SAMD12: variants seen among roughly 807,000 people sequenced by gnomAD.
SAMD12 encodes sterile alpha motif domain-containing protein 12.
SAMD12 carries 9 observed loss-of-function variants against 15.0 expected under a neutral mutation model. That is an observed-to-expected ratio of 0.60 (90% CI 0.36 to 1.05). The LOEUF is 1.05. Among genes scored for constraint, SAMD12 ranks in the 50% least tolerant of loss-of-function variants. The pLI, the probability that SAMD12 is intolerant of heterozygous loss-of-function variation, is 0.01. For synonymous variants in SAMD12, 86 were observed against 90.1 expected (o/e 0.96, Z 0.25); for missense variants, 230 against 234.2 (o/e 0.98, Z 0.12).
At chr8:118,161,559 T>C in the SAMD12 span, among the ~76,000 whole-genome samples, 2 of 66,424 alleles carry the variant, frequency 3.0e-5, no homozygotes, top group African/African-American at 8.2e-5. Context: ...AGTAAGACTG[T>C]CTAAAAAAAA....
chr8:118,219,444 A>G (rs1220881872), intron 4 of SAMD12, among the ~76,000 whole-genome samples: 1 of 152,254 alleles, frequency 6.6e-6, no homozygotes, highest in African/African-American at 2.4e-5. Flanking sequence ...AATTGAACAT[A>G]TGAGGTAATT....
intron 2 of SAMD12, among the ~76,000 whole-genome samples, chr8:118,495,554 C>CTT (rs10671753): frequency 0.27 from 38,715 of 144,964 alleles, 5,220 homozygotes; most frequent in East Asian, 0.35. Context: ...TTCATGTAGG[C>CTT]TTTTTTTTTT....
intron 1 of SAMD12, among the ~76,000 whole-genome samples, chr8:118,616,345 C>T (rs868311620): frequency 2.9e-4 from 42 of 146,508 alleles, no homozygotes; most frequent in African/African-American, 1.1e-3. Flanking sequence ...TTCATTCATT[C>T]AAGCTTCAAG....
intron 1 of SAMD12, among the ~76,000 whole-genome samples, chr8:118,595,087 C>G (rs1827691385): frequency 1.3e-5 from 2 of 152,148 alleles, no homozygotes; most frequent in Non-Finnish European, 2.9e-5. Context: ...TTCAAATCAA[C>G]ACATATCCCA....
chr8:118,432,780 A>G (rs566764526), intron 3 of SAMD12, among the ~76,000 whole-genome samples: 3 of 152,208 alleles, frequency 2.0e-5, no homozygotes, highest in African/African-American at 7.2e-5. Flanking sequence ...CAACCCTTGA[A>G]AGTAGTTCAG....
At chr8:118,161,511 G>A in the SAMD12 span, among the ~76,000 whole-genome samples, 3 of 149,098 alleles carry the variant, frequency 2.0e-5, no homozygotes, top group East Asian at 2.0e-4. Context: ...GCAGTGAGCC[G>A]CTGTGATCAT....
intron 2 of SAMD12, among the ~76,000 whole-genome samples, chr8:118,480,988 G>A (rs1271414613): frequency 1.3e-5 from 2 of 152,178 alleles, no homozygotes; most frequent in Non-Finnish European, 2.9e-5. Flanking sequence ...TGTTGCCCAG[G>A]CTGGAGTGCA....
chr8:118,608,554 A>G (rs541563965), intron 1 of SAMD12, among the ~76,000 whole-genome samples: 3 of 152,222 alleles, frequency 2.0e-5, no homozygotes, highest in Admixed American at 1.3e-4. Context: ...CCCAGGCCAG[A>G]GTGCAATGGC....
chr8:118,292,963 A>G (rs59437911), intron 4 of SAMD12, among the ~76,000 whole-genome samples: 4,597 of 151,690 alleles, frequency 0.03, 251 homozygotes, highest in African/African-American at 0.1. Flanking sequence ...ATGACGAGTT[A>G]GTGGGTGCAG....
intron 4 of SAMD12, among the ~76,000 whole-genome samples, chr8:118,237,767 A>C (rs1284750289): frequency 6.6e-6 from 1 of 152,192 alleles, no homozygotes; most frequent in African/African-American, 2.4e-5. Flanking sequence ...ATAAGAATCA[A>C]ATGTAAACAT....
chr8:118,341,853 T>C (rs116702855), intron 4 of SAMD12, among the ~76,000 whole-genome samples: 3,807 of 152,338 alleles, frequency 0.025, 156 homozygotes, highest in African/African-American at 0.086. Context: ...ATATTTTAAA[T>C]TGTTGAAATC....
intron 2 of SAMD12, among the ~76,000 whole-genome samples, chr8:118,556,808 C>CA (rs1826545701): frequency 6.6e-6 from 1 of 151,726 alleles, no homozygotes. Flanking sequence ...ACTAAAGATA[C>CA]AAAAAATTGG....
intron 1 of SAMD12, 149 bp downstream of exon 1, chr8:118,621,655 G>A: frequency 1.2e-6 from 1 of 838,362 alleles, no homozygotes; most frequent in East Asian, 2.5e-5. Context: ...TGGCGGCGCA[G>A]GTGAGTGCCA....
intron 3 of SAMD12, among the ~76,000 whole-genome samples, chr8:118,392,461 A>C (rs939865555): frequency 1.3e-5 from 2 of 152,252 alleles, no homozygotes; most frequent in Middle Eastern, 3.4e-3. Flanking sequence ...AAAACAAAAA[A>C]CAAAAACCTG....
At chr8:118,484,002 A>G (rs774083527) in intron 2 of SAMD12, among the ~76,000 whole-genome samples, 1 of 152,222 alleles carries the variant, frequency 6.6e-6, no homozygotes, top group Non-Finnish European at 1.5e-5. Flanking sequence ...GTCTAGCTAT[A>G]TGAAGTTCAT....
At chr8:118,346,668 A>G (rs1430584920) in intron 4 of SAMD12, among the ~76,000 whole-genome samples, 1 of 152,244 alleles carries the variant, frequency 6.6e-6, no homozygotes, top group African/African-American at 2.4e-5. Flanking sequence ...GAGAACTCAC[A>G]GGACTCAGCA....
intron 2 of SAMD12, among the ~76,000 whole-genome samples, chr8:118,548,728 G>A (rs1476596154): frequency 6.6e-6 from 1 of 152,240 alleles, no homozygotes; most frequent in African/African-American, 2.4e-5. Context: ...GCGAGGCATT[G>A]CCTCACTCGG....
At chr8:118,540,317 T>A (rs1014808708) in intron 2 of SAMD12, among the ~76,000 whole-genome samples, 2 of 152,234 alleles carry the variant, frequency 1.3e-5, no homozygotes, top group Admixed American at 1.3e-4. Context: ...ATGTCATTAG[T>A]AATTTTTTAA....
intron 2 of SAMD12, among the ~76,000 whole-genome samples, chr8:118,461,603 G>A (rs1159986082): frequency 6.6e-6 from 1 of 151,962 alleles, no homozygotes; most frequent in Non-Finnish European, 1.5e-5. Flanking sequence ...TTTTCTATGA[G>A]TCCAGGCCAT....
Sources: gnomAD v4.1 joint callset for allele counts (sites outside exome capture counted in the v4.1 genomes callset) on GRCh38, gnomAD v4.1.1 for gene constraint, MANE v1.5 for transcripts, NCBI Gene and HGNC (gene_info 2026-07-23, HGNC 2026-07-21) for gene names.